GPC6: variants seen among roughly 807,000 people sequenced by gnomAD.
GPC6 encodes the protein glypican 6, also known as glypican-6.
In GPC6, 14 loss-of-function variants were observed where a neutral mutation model predicts 55.2. That is an observed-to-expected ratio of 0.25 (90% CI 0.17 to 0.40). The LOEUF (loss-of-function observed/expected upper bound fraction) is 0.40, where lower values mean the gene tolerates loss of function less well. Among genes scored for constraint, GPC6 ranks in the 10% least tolerant of loss-of-function variants. The pLI is 1.00. For synonymous variants in GPC6, 278 were observed against 259.6 expected, an observed-to-expected ratio of 1.07 and a Z score of -0.68; for missense variants, 641 against 708.5, an observed-to-expected ratio of 0.90 and a Z score of 1.08.
intron 6 of GPC6, among the ~76,000 whole-genome samples, chr13:94,316,225 G>A (rs573947862): frequency 6.6e-6 from 1 of 152,240 alleles, no homozygotes; most frequent in Non-Finnish European, 1.5e-5. Context: ...TAGAGAGGGG[G>A]TATCTACATT....
At chr13:94,276,507 T>C (rs532382325) in intron 4 of GPC6, among the ~76,000 whole-genome samples, 2 of 152,254 alleles carry the variant, frequency 1.3e-5, no homozygotes, top group African/African-American at 4.8e-5. Flanking sequence ...GGGATACATG[T>C]ACAGAACGTG....
At chr13:93,422,833 G>C (rs191821923) in intron 1 of GPC6, among the ~76,000 whole-genome samples, 1 of 152,082 alleles carries the variant, frequency 6.6e-6, no homozygotes, top group Non-Finnish European at 1.5e-5. Context: ...GGTCTTCTTT[G>C]TCTGCTCTTG....
chr13:93,864,219 C>G (rs1356070901), intron 3 of GPC6, among the ~76,000 whole-genome samples: 1 of 151,680 alleles, frequency 6.6e-6, no homozygotes, highest in Non-Finnish European at 1.5e-5. Flanking sequence ...TAGTCATGTA[C>G]TAGTTAAGTA....
In GPC6 at chr13:93,901,772, G is replaced by A. The variant is rs201169291; in HGVS notation, c.711+71227G>A. ...AAAAAGTAGCCGGGCGTGGTAGTGC[G>A]TGCCTTTAATCCCAGCTACTCAGGA... On this transcript the variant is annotated intron_variant, in intron 3 of 8. Coordinates refer to ENST00000377047, the MANE Select transcript of GPC6 (RefSeq NM_005708.5). 6.3e-4 allele frequency among the ~76,000 whole-genome samples: 95 copies of A among 151,642 alleles called. 1 individual carries two copies. In the East Asian group the frequency reaches 0.013, roughly 21 times the overall value.
chr13:93,840,755 G>T (rs139901912), intron 3 of GPC6, among the ~76,000 whole-genome samples: 1 of 152,170 alleles, frequency 6.6e-6, no homozygotes, highest in East Asian at 1.9e-4. Flanking sequence ...TGGAAAATGT[G>T]TGCAACAAAC....
At chr13:94,391,215 GCTT>G (rs1194266817) in intron 7 of GPC6, among the ~76,000 whole-genome samples, 2 of 152,174 alleles carry the variant, frequency 1.3e-5, no homozygotes, top group Non-Finnish European at 2.9e-5. Context: ...ATGAATTCAG[GCTT>G]TAAAATTTCA....
At chr13:94,320,446 T>A (rs1446000070) in intron 6 of GPC6, among the ~76,000 whole-genome samples, 1 of 151,876 alleles carries the variant, frequency 6.6e-6, no homozygotes, top group Non-Finnish European at 1.5e-5. Flanking sequence ...CTGTTGTGGG[T>A]TTTTTTTGTG....
intron 3 of GPC6, among the ~76,000 whole-genome samples, chr13:93,999,166 G>A (rs534581958): frequency 6.6e-6 from 1 of 152,228 alleles, no homozygotes; most frequent in Admixed American, 6.5e-5. Context: ...TTCTCCAAAT[G>A]CTATCCCTCC....
chr13:94,082,677 A>G (rs1459634554), intron 4 of GPC6, among the ~76,000 whole-genome samples: 1 of 152,022 alleles, frequency 6.6e-6, no homozygotes, highest in Non-Finnish European at 1.5e-5. Context: ...CTCACATTTT[A>G]CACTCACTGA....
chr13:93,482,828 G>C (rs1227921842), intron 1 of GPC6, among the ~76,000 whole-genome samples: 3 of 152,126 alleles, frequency 2.0e-5, no homozygotes, highest in African/African-American at 7.2e-5. Flanking sequence ...TAATCAAATA[G>C]TATTTATTTT....
At chr13:93,938,219 C>T (rs1163742335) in intron 3 of GPC6, among the ~76,000 whole-genome samples, 1 of 152,102 alleles carries the variant, frequency 6.6e-6, no homozygotes, top group African/African-American at 2.4e-5. Context: ...GGAACAGAAG[C>T]AAACCTAATT....
At chr13:93,590,981 T>TATA (rs749240972) in intron 2 of GPC6, among the ~76,000 whole-genome samples, 5 of 151,250 alleles carry the variant, frequency 3.3e-5, no homozygotes, top group South Asian at 4.2e-4. Context: ...AAACTTAAAG[T>TATA]ATAATAATAA....
intron 3 of GPC6, among the ~76,000 whole-genome samples, chr13:93,990,938 GAGGAAGGAAGGAAGGAAGGAAAGA>G (rs1881272797): frequency 1.4e-5 from 2 of 146,286 alleles, no homozygotes; most frequent in African/African-American, 2.7e-5. Context: ...CGGGAGGGAG[GAGGAAGGAAGGAAGGAAGGAAAGA>G]AGGAAGGAAG....
chr13:93,421,463 CTACTT>C (rs1444069483), intron 1 of GPC6, among the ~76,000 whole-genome samples: 1 of 152,238 alleles, frequency 6.6e-6, no homozygotes, highest in Admixed American at 6.5e-5. Flanking sequence ...TTTCTGCTCA[CTACTT>C]TACTAAATTC....
At chr13:93,690,412 T>C (rs1882216493) in intron 2 of GPC6, among the ~76,000 whole-genome samples, 2 of 152,060 alleles carry the variant, frequency 1.3e-5, no homozygotes, top group South Asian at 2.1e-4. Context: ...GATGCTCTGA[T>C]AAAGTGAGCG....
chr13:93,679,994 T>G (rs974792359), intron 2 of GPC6, among the ~76,000 whole-genome samples: 1 of 152,088 alleles, frequency 6.6e-6, no homozygotes, highest in Non-Finnish European at 1.5e-5. Context: ...TGGAAAAATA[T>G]GCCCTCTCAG....
chr13:94,266,703 C>T (rs748076401), intron 4 of GPC6, among the ~76,000 whole-genome samples: 9 of 152,168 alleles, frequency 5.9e-5, no homozygotes, highest in Non-Finnish European at 7.3e-5. Context: ...CCTATTTAGC[C>T]GTCATCACAC....
intron 3 of GPC6, among the ~76,000 whole-genome samples, chr13:93,929,324 C>T (rs1256529212): frequency 6.6e-6 from 1 of 152,138 alleles, no homozygotes; most frequent in Non-Finnish European, 1.5e-5. Context: ...CCACCTTTTC[C>T]ATACATTTTA....
chr13:93,693,576 G>A (rs992265514), intron 2 of GPC6, among the ~76,000 whole-genome samples: 1 of 151,594 alleles, frequency 6.6e-6, no homozygotes, highest in Non-Finnish European at 1.5e-5. Context: ...TCTCCTGGGC[G>A]CAAGCAATCC....
Sources: gnomAD v4.1 joint callset for allele counts (sites outside exome capture counted in the v4.1 genomes callset) on GRCh38, gnomAD v4.1.1 for gene constraint, MANE v1.5 for transcripts, NCBI Gene and HGNC (gene_info 2026-07-23, HGNC 2026-07-21) for gene names.